The following PRKCA variants were observed in gnomAD, a reference collection of about 807,000 sequenced individuals.
The protein encoded by PRKCA is protein kinase C alpha, also known as protein kinase C alpha type.
PRKCA carries 27 observed loss-of-function variants against 87.0 expected under a neutral mutation model. The observed-to-expected ratio is 0.31, with a 90% CI of 0.23 to 0.43. The LOEUF (loss-of-function observed/expected upper bound fraction) is 0.43. PRKCA is among the 20% of genes least tolerant of loss of function. The pLI is 1.00. For missense variants in PRKCA, 518 were observed against 852.3 expected, an observed-to-expected ratio of 0.61 and a Z score of 4.88; for synonymous variants, 329 against 311.1, an observed-to-expected ratio of 1.06 and a Z score of -0.61.
rs763898815 is a variant in PRKCA at position 66,587,865 on chromosome 17, A to ATG, written c.289-53488_289-53487dup. On this transcript the variant is annotated intron_variant, in intron 3 of 16. Transcript: ENST00000413366. Reference sequence around the variant, plus strand: ...TGTATCTACATATACATATATACATATGTATGTGTGTGTGTGTGTGTGTGT... The same window carrying ATG: ...TGTATCTACATATACATATATACATATGTGTATGTGTGTGTGTGTGTGTGTGT... Among the ~76,000 whole-genome samples the ATG allele has an allele frequency of 2.3e-3, 132 of 56,546 alleles. 13 individuals carry two copies. The highest frequency in any genetic ancestry group is 6.7e-3 in the African/African-American group (115 of 17,086). The allele number at this position is 56,546 out of a possible 152,430, so 37.1% of individuals were successfully genotyped here.
intron 2 of PRKCA, among the ~76,000 whole-genome samples, chr17:66,363,708 A>ATTTATTTG (rs1555591499): frequency 3.3e-5 from 5 of 151,798 alleles, no homozygotes; most frequent in African/African-American, 7.3e-5. Context: ...TTATTTATTT[A>ATTTATTTG]TTTGTTTGTT....
intron 2 of PRKCA, among the ~76,000 whole-genome samples, chr17:66,306,690 C>T (rs893909809): frequency 7.9e-5 from 12 of 152,090 alleles, no homozygotes; most frequent in South Asian, 4.1e-4. Flanking sequence ...TCTGACAAAA[C>T]GTGATATCAG....
At chr17:66,686,486 CA>C (rs1386556513) in intron 5 of PRKCA, among the ~76,000 whole-genome samples, 1 of 152,184 alleles carries the variant, frequency 6.6e-6, no homozygotes, top group African/African-American at 2.4e-5. Context: ...CCCTGCTGCC[CA>C]GTAGAATCAC....
intron 2 of PRKCA, among the ~76,000 whole-genome samples, chr17:66,369,415 G>GA (rs1292483002): frequency 9.2e-5 from 14 of 152,292 alleles, no homozygotes; most frequent in African/African-American, 3.4e-4. Context: ...GGACCTGTGA[G>GA]AGGGGTATCA....
At chr17:66,750,689 G>A (rs933021779) in intron 13 of PRKCA, among the ~76,000 whole-genome samples, 2 of 152,170 alleles carry the variant, frequency 1.3e-5, no homozygotes, top group African/African-American at 4.8e-5. Flanking sequence ...GCTCCTGGTG[G>A]ATTCGCTGCC....
At chr17:66,436,172 G>A (rs1163552500) in intron 2 of PRKCA, among the ~76,000 whole-genome samples, 1 of 152,198 alleles carries the variant, frequency 6.6e-6, no homozygotes, top group Non-Finnish European at 1.5e-5. Context: ...TTCAGTGCTT[G>A]AGAATCAAGA....
At chr17:66,346,567 A>T (rs1176772295) in intron 2 of PRKCA, among the ~76,000 whole-genome samples, 1 of 152,076 alleles carries the variant, frequency 6.6e-6, no homozygotes, top group Admixed American at 6.5e-5. Context: ...TTAGTATGAA[A>T]ACTACAGATC....
intron 8 of PRKCA, among the ~76,000 whole-genome samples, chr17:66,702,263 G>T (rs9912033): frequency 0.22 from 33,423 of 151,868 alleles, 4,132 homozygotes; most frequent in African/African-American, 0.33. Flanking sequence ...AGAAACATTT[G>T]TAACGCATGG....
At chr17:66,525,360 A>G (rs146183761) in intron 3 of PRKCA, among the ~76,000 whole-genome samples, 29 of 152,302 alleles carry the variant, frequency 1.9e-4, no homozygotes, top group Middle Eastern at 3.4e-3. Flanking sequence ...TGAACTTAAT[A>G]TAGATATTAA....
intron 2 of PRKCA, among the ~76,000 whole-genome samples, chr17:66,374,251 G>A (rs1454525075): frequency 3.3e-5 from 5 of 152,110 alleles, no homozygotes; most frequent in African/African-American, 1.2e-4. Context: ...GCCTGACCCA[G>A]CTCCCTCAGC....
intron 2 of PRKCA, among the ~76,000 whole-genome samples, chr17:66,460,812 T>A (rs1914814807): frequency 6.6e-6 from 1 of 152,144 alleles, no homozygotes. Flanking sequence ...GTGTCCCAGC[T>A]CCTACCCCAG....
intron 2 of PRKCA, among the ~76,000 whole-genome samples, chr17:66,312,110 T>A (rs907455012): frequency 1.3e-5 from 2 of 152,216 alleles, no homozygotes; most frequent in Non-Finnish European, 2.9e-5. Flanking sequence ...GCCTCCTGAA[T>A]AGCTGGGATT....
intron 3 of PRKCA, among the ~76,000 whole-genome samples, chr17:66,505,119 G>A (rs1212906897): frequency 2.6e-5 from 4 of 152,140 alleles, no homozygotes; most frequent in Non-Finnish European, 5.9e-5. Flanking sequence ...CTCTTCAGTG[G>A]GTGGATTATT....
chr17:66,612,618 G>A (rs1001826039), intron 3 of PRKCA, among the ~76,000 whole-genome samples: 3 of 151,968 alleles, frequency 2.0e-5, no homozygotes, highest in African/African-American at 7.3e-5. Context: ...CTGAGTTAGT[G>A]GAGATAACTG....
chr17:66,727,777 G>C (rs749216437), intron 8 of PRKCA, among the ~76,000 whole-genome samples: 3 of 152,114 alleles, frequency 2.0e-5, no homozygotes, highest in Admixed American at 6.5e-5. Context: ...GCCAGGGAAG[G>C]CTGGGTCTTC....
intron 2 of PRKCA, among the ~76,000 whole-genome samples, chr17:66,385,340 T>C (rs1471731903): frequency 1.3e-5 from 2 of 152,256 alleles, no homozygotes; most frequent in Non-Finnish European, 2.9e-5. Flanking sequence ...GACAGTTTAC[T>C]TTTTGTCATT....
At chr17:66,366,575 G>A (rs1393921157) in intron 2 of PRKCA, among the ~76,000 whole-genome samples, 1 of 151,914 alleles carries the variant, frequency 6.6e-6, no homozygotes, top group Non-Finnish European at 1.5e-5. Context: ...TAGAAAATTT[G>A]TCAAAGTTAA....
intron 3 of PRKCA, among the ~76,000 whole-genome samples, chr17:66,602,571 A>G (rs964050627): frequency 7.9e-5 from 12 of 152,202 alleles, no homozygotes; most frequent in African/African-American, 9.7e-5. Context: ...AGCTGTTCCT[A>G]TTCGGCCATC....
chr17:66,787,296 G>T, intron 15 of PRKCA: 1 of 434,560 alleles, frequency 2.3e-6, no homozygotes, highest in South Asian at 1.9e-5. Flanking sequence ...TCCACTGTGT[G>T]AACACACCAT....
Sources: allele counts gnomAD v4.1 joint callset (sites outside exome capture counted in the v4.1 genomes callset), GRCh38; gene constraint gnomAD v4.1.1; transcripts MANE v1.5; gene names NCBI Gene and HGNC (gene_info 2026-07-23, HGNC 2026-07-21).